The following SLC26A7 variants were observed in gnomAD, a reference collection of about 807,000 sequenced individuals.
The protein encoded by SLC26A7 is solute carrier family 26 member 7.
Under a neutral mutation model 82.5 loss-of-function variants are expected in SLC26A7, and 59 were observed. The ratio of observed to expected loss-of-function variants is 0.72; its 90% CI spans 0.58 to 0.89. The LOEUF is 0.89. SLC26A7 is among the 40% of genes least tolerant of loss of function. SLC26A7 has a pLI of 0.00. For synonymous variants in SLC26A7, 271 were observed against 274.3 expected, an observed-to-expected ratio of 0.99 and a Z score of 0.12; for missense variants, 820 against 793.0, an observed-to-expected ratio of 1.03 and a Z score of -0.41.
At chr8:91,388,855 A>G (rs1467857993) in intron 15 of SLC26A7, among the ~76,000 whole-genome samples, 1 of 151,952 alleles carries the variant, frequency 6.6e-6, no homozygotes, top group Non-Finnish European at 1.5e-5. Flanking sequence ...AGCCCTAGCA[A>G]TGGAGTTTTT....
rs1449621886 is a variant in SLC26A7, at chr8:91,395,835, C to T, written c.*738C>T. On this transcript the variant is annotated 3_prime_UTR_variant, in exon 19 of 19. Coordinates refer to ENST00000276609, the MANE Select transcript of SLC26A7 (RefSeq NM_052832.4). ...TAGCTCTAATTTTAACATTTCTACC[C>T]AATAAGAGGCTCTGTTTTCCACTGA... 1 of 151,948 alleles carries T rather than the reference C, an allele frequency of 6.6e-6. No homozygotes were observed. The highest frequency in any genetic ancestry group is 1.5e-5 in the Non-Finnish European group (1 of 67,894). The allele number at this position is 151,948 out of a possible 1,614,324, so 9.4% of individuals were successfully genotyped here.
In SLC26A7 at chr8:91,249,423, T is replaced by C. The variant is rs1810596018; in HGVS notation, c.-114+10T>C. On this transcript the variant is annotated intron_variant, in intron 1 of 18. Transcript: ENST00000276609. ...CAGATAAGAATTCAAGGTTTTAATC[T>C]ATAGTTTTTAAATCTAGAATAATTA... The C allele has an allele frequency of 5.6e-6, 2 of 359,232 alleles. No homozygotes were observed. Among genetic ancestry groups the C allele is most frequent in the Admixed American group, 4.6e-5 (1 of 21,594 alleles). 22.3% of individuals were successfully genotyped at this position (359,232 alleles called of 1,614,324 possible).
intron 9 of SLC26A7, among the ~76,000 whole-genome samples, chr8:91,345,505 C>G (rs958062683): frequency 1.3e-5 from 2 of 152,162 alleles, no homozygotes; most frequent in African/African-American, 2.4e-5. Flanking sequence ...AATGCTTGAG[C>G]ACTAAATGTC....
intron 7 of SLC26A7, among the ~76,000 whole-genome samples, chr8:91,339,603 C>G (rs1563687456): frequency 6.6e-6 from 1 of 151,298 alleles, no homozygotes; most frequent in East Asian, 1.9e-4. Context: ...GAATTCTCTT[C>G]CTGTTTTCTT....
At chr8:91,318,853 C>A (rs749440495) in intron 5 of SLC26A7, among the ~76,000 whole-genome samples, 1 of 152,142 alleles carries the variant, frequency 6.6e-6, no homozygotes, top group Non-Finnish European at 1.5e-5. Flanking sequence ...AAGAGAGTAG[C>A]ACCTGGCCAT....
chr8:91,317,561 C>A (rs181633648), intron 4 of SLC26A7, among the ~76,000 whole-genome samples: 9 of 152,168 alleles, frequency 5.9e-5, no homozygotes, highest in African/African-American at 2.2e-4. Flanking sequence ...AATAAATTTA[C>A]AACCTCTGGC....
intron 2 of SLC26A7, among the ~76,000 whole-genome samples, chr8:91,275,825 T>G (rs1311285614): frequency 6.6e-6 from 1 of 152,192 alleles, no homozygotes; most frequent in Non-Finnish European, 1.5e-5. Context: ...CATGACTGTA[T>G]GCACTGGTCT....
intron 1 of SLC26A7, among the ~76,000 whole-genome samples, chr8:91,209,921 C>G (rs917635734): frequency 6.6e-6 from 1 of 152,074 alleles, no homozygotes; most frequent in Non-Finnish European, 1.5e-5. Context: ...TTACTGAGTT[C>G]TTACTATATG....
At chr8:91,384,741 C>A (rs1814753183) in intron 15 of SLC26A7, among the ~76,000 whole-genome samples, 1 of 150,716 alleles carries the variant, frequency 6.6e-6, no homozygotes, top group African/African-American at 2.5e-5. Context: ...GCACTCAATA[C>A]ATCTATATTA....
At chr8:91,241,201 T>A (rs563872296) in intron 2 of SLC26A7, among the ~76,000 whole-genome samples, 197 of 152,246 alleles carry the variant, frequency 1.3e-3, no homozygotes, top group African/African-American at 4.5e-3. Context: ...TGTACAGTCA[T>A]TAAAAATGAT....
intron 13 of SLC26A7, 134 bp downstream of exon 13, chr8:91,363,672 G>A: frequency 2.1e-6 from 1 of 475,140 alleles, no homozygotes. Context: ...AACTTCCAGT[G>A]GTACATATGT....
intron 9 of SLC26A7, among the ~76,000 whole-genome samples, chr8:91,347,674 A>G (rs181080165): frequency 8.6e-4 from 131 of 152,276 alleles, no homozygotes; most frequent in Non-Finnish European, 1.6e-3. Context: ...TGCTTTAGAA[A>G]ATGAAACCAA....
intron 2 of SLC26A7, among the ~76,000 whole-genome samples, chr8:91,231,767 C>CTGTGTGTA (rs971612223): frequency 6.6e-6 from 1 of 151,820 alleles, no homozygotes; most frequent in African/African-American, 2.4e-5. Context: ...ATAGGGAACT[C>CTGTGTGTA]TGTGTGTATG....
intron 9 of SLC26A7, among the ~76,000 whole-genome samples, chr8:91,347,892 T>G (rs1813608465): frequency 6.6e-6 from 1 of 152,210 alleles, no homozygotes; most frequent in Admixed American, 6.5e-5. Context: ...AAAAATTACA[T>G]TTCTTCCTTT....
intron 9 of SLC26A7, among the ~76,000 whole-genome samples, chr8:91,349,623 T>C (rs2130853424): frequency 6.6e-6 from 1 of 152,286 alleles, no homozygotes; most frequent in South Asian, 2.1e-4. Context: ...GCTTTCTAAT[T>C]CCCTAGCTCT....
intron 15 of SLC26A7, among the ~76,000 whole-genome samples, chr8:91,374,331 C>A (rs574839298): frequency 7.7e-4 from 115 of 149,894 alleles, no homozygotes; most frequent in African/African-American, 2.5e-3. Context: ...AACTTGAGAG[C>A]TTCCTATCTT....
intron 4 of SLC26A7, among the ~76,000 whole-genome samples, chr8:91,299,416 A>G (rs968483694): frequency 1.4e-5 from 2 of 138,326 alleles, no homozygotes; most frequent in African/African-American, 3.2e-5. Context: ...GACTTCCATG[A>G]TTTATTTTTT....
chr8:91,289,049 A>T, intron 2 of SLC26A7, 87 bp from the exon 3 acceptor site: 1 of 821,688 alleles, frequency 1.2e-6, no homozygotes, highest in Non-Finnish European at 2.1e-6. Context: ...CATTTTGTCT[A>T]TAAGTAAACC....
At chr8:91,305,984 G>T (rs569660752) in intron 4 of SLC26A7, among the ~76,000 whole-genome samples, 1 of 152,262 alleles carries the variant, frequency 6.6e-6, no homozygotes, top group African/African-American at 2.4e-5. Context: ...GATGTTTAAT[G>T]AATGTATGGA....
Sources: gnomAD v4.1 joint callset for allele counts (sites outside exome capture counted in the v4.1 genomes callset) on GRCh38, gnomAD v4.1.1 for gene constraint, MANE v1.5 for transcripts, NCBI Gene and HGNC (gene_info 2026-07-23, HGNC 2026-07-21) for gene names.